The following MTMR7 variants were observed in gnomAD, a reference collection of about 807,000 sequenced individuals.
MTMR7 encodes phosphatidylinositol-3-phosphate phosphatase MTMR7.
A neutral mutation model predicts 81.2 loss-of-function variants in MTMR7; 76 were observed. The observed-to-expected ratio is 0.94, with a 90% CI of 0.78 to 1.13. MTMR7 has a LOEUF of 1.13. Ranked by LOEUF, MTMR7 falls within the 50% of genes most tolerant of loss-of-function variation. The pLI, the probability that MTMR7 is intolerant of heterozygous loss-of-function variation, is 0.00. For synonymous variants in MTMR7, 372 were observed against 289.8 expected, an observed-to-expected ratio of 1.28 and a Z score of -2.88; for missense variants, 1,044 against 820.0, an observed-to-expected ratio of 1.27 and a Z score of -3.34.
intron 1 of MTMR7, among the ~76,000 whole-genome samples, chr8:17,377,508 T>C (rs1451778249): frequency 2.0e-5 from 3 of 152,150 alleles, no homozygotes; most frequent in Admixed American, 2.0e-4. Context: ...ACTTTATTTT[T>C]CTTTTCTACT....
In MTMR7 at chr8:17,304,385, A is replaced by C. The variant is rs746315870; in HGVS notation, c.1487T>G (p.Met496Arg). 1 of 1,612,088 alleles carries C rather than the reference A, an allele frequency of 6.2e-7. No homozygotes were observed. Among genetic ancestry groups the C allele is most frequent in the Non-Finnish European group, 8.5e-7 (1 of 1,178,408 alleles). The change falls in exon 12 of 14, where the codon ATG (methionine) becomes AGG (arginine). Residue 496 changes from methionine (M) to arginine (R), a missense_variant. Met to Arg is a moderately conservative substitution (Grantham distance 91). Coordinates refer to ENST00000180173, the MANE Select transcript of MTMR7 (RefSeq NM_004686.5). The part of the protein sequence containing the change: ...LHLPTTPCNF[M>R]YKFWSGMYNR... Reference sequence around the variant, plus strand: ...TTACCAAGGATTTACATACTTGTACATGAAGTTACATGGTGTTGTAGGGAG... The same window carrying C: ...TTACCAAGGATTTACATACTTGTACCTGAAGTTACATGGTGTTGTAGGGAG...
intron 10 of MTMR7, among the ~76,000 whole-genome samples, chr8:17,308,061 A>G (rs1817575014): frequency 6.6e-6 from 1 of 151,854 alleles, no homozygotes; most frequent in Non-Finnish European, 1.5e-5. Context: ...AAATAAAAAT[A>G]AAATGAGGAA....
chr8:17,389,104 C>T (rs1339153964), intron 1 of MTMR7, among the ~76,000 whole-genome samples: 2 of 152,102 alleles, frequency 1.3e-5, no homozygotes, highest in African/African-American at 4.8e-5. Flanking sequence ...AAGAAAAGGA[C>T]ACTGCCACTC....
chr8:17,341,538 C>G, intron 5 of MTMR7, 41 bp from the exon 6 acceptor site: 1 of 1,607,436 alleles, frequency 6.2e-7, no homozygotes, highest in Non-Finnish European at 8.5e-7. Context: ...CATCAGGTAA[C>G]TGTACCCATG....
At chr8:17,341,953 T>C (rs1563347093) in intron 5 of MTMR7, among the ~76,000 whole-genome samples, 1 of 151,452 alleles carries the variant, frequency 6.6e-6, no homozygotes, top group Non-Finnish European at 1.5e-5. Flanking sequence ...TCTAGAAACA[T>C]CACAAATACC....
At position 17,297,984 on chromosome 8, in the gene MTMR7, C is replaced by CTAT. The variant is rs1816836136; in HGVS notation, c.*1875_*1877dup. 6.6e-6 allele frequency: 1 copy of CTAT among 152,006 alleles called. No individual in the cohort carries two copies. Among genetic ancestry groups the CTAT allele is most frequent in the South Asian group, 2.1e-4 (1 of 4,828 alleles). 9.4% of individuals were successfully genotyped at this position (152,006 alleles called of 1,614,324 possible). On this transcript the variant is annotated 3_prime_UTR_variant, in exon 14 of 14. Coordinates refer to ENST00000180173, the MANE Select transcript of MTMR7 (RefSeq NM_004686.5). Reference sequence around the variant, plus strand: ...CATTTTAAAACATCAAATATTTATACTATTTGCTTTTCAAATAAAAGCATA... The same window carrying CTAT: ...CATTTTAAAACATCAAATATTTATACTATTATTTGCTTTTCAAATAAAAGCATA...
At chr8:17,374,938 A>C (rs2150567887) in intron 1 of MTMR7, among the ~76,000 whole-genome samples, 1 of 152,126 alleles carries the variant, frequency 6.6e-6, no homozygotes. Context: ...AAAATACAAA[A>C]ATTAGCCAGG....
intron 7 of MTMR7, among the ~76,000 whole-genome samples, chr8:17,315,087 A>G (rs746989997): frequency 1.3e-5 from 2 of 152,352 alleles, no homozygotes; most frequent in African/African-American, 2.4e-5. Flanking sequence ...AGTTTTAATC[A>G]TTAAAAGTTA....
At chr8:17,380,208 C>G (rs1323157869) in intron 1 of MTMR7, among the ~76,000 whole-genome samples, 1 of 152,190 alleles carries the variant, frequency 6.6e-6, no homozygotes, top group Non-Finnish European at 1.5e-5. Flanking sequence ...CCACCAATAT[C>G]TCATGAATCA....
rs1309629527 is a variant in MTMR7 at position 17,331,134 on chromosome 8, T to A, written c.865+16A>T. ...CTTAACTGCATTTTAATGCTGTGCA[T>A]AAGGAAATGGTTTACCTTCCAGCAT... On this transcript the variant is annotated intron_variant, in intron 7 of 13. Coordinates refer to ENST00000180173, the MANE Select transcript of MTMR7 (RefSeq NM_004686.5). 2 of 1,607,376 alleles carry A rather than the reference T, an allele frequency of 1.2e-6. No homozygotes were observed. The highest frequency in any genetic ancestry group is 8.5e-7 in the Non-Finnish European group (1 of 1,178,116).
At chr8:17,322,105 T>C (rs1471075114) in intron 7 of MTMR7, among the ~76,000 whole-genome samples, 1 of 148,344 alleles carries the variant, frequency 6.7e-6, no homozygotes, top group East Asian at 2.1e-4. Flanking sequence ...CTCCCTTGAT[T>C]ACCAGCCCAG....
chr8:17,368,302 C>G (rs1820299112), intron 3 of MTMR7, among the ~76,000 whole-genome samples: 2 of 152,206 alleles, frequency 1.3e-5, no homozygotes, highest in Admixed American at 1.3e-4. Flanking sequence ...CCGCCATAGA[C>G]TGGTACCTGT....
chr8:17,372,455 G>A (rs1166536039), intron 2 of MTMR7, among the ~76,000 whole-genome samples: 3 of 152,068 alleles, frequency 2.0e-5, no homozygotes, highest in South Asian at 4.2e-4. Flanking sequence ...AGGCGTGGTG[G>A]CGCGTGACTG....
chr8:17,357,700 C>G (rs1343814293), intron 4 of MTMR7, among the ~76,000 whole-genome samples: 2 of 152,088 alleles, frequency 1.3e-5, no homozygotes, highest in Non-Finnish European at 2.9e-5. Flanking sequence ...TGTAGACATG[C>G]TATAATAAAG....
At chr8:17,377,783 G>C (rs569104145) in intron 1 of MTMR7, among the ~76,000 whole-genome samples, 1 of 152,116 alleles carries the variant, frequency 6.6e-6, no homozygotes, top group South Asian at 2.1e-4. Context: ...TCTTTGACCT[G>C]AAAGTTTTTA....
At chr8:17,340,501 G>C (rs1219160640) in intron 6 of MTMR7, among the ~76,000 whole-genome samples, 4 of 152,186 alleles carry the variant, frequency 2.6e-5, no homozygotes, top group African/African-American at 9.7e-5. Context: ...AGGTGACTTT[G>C]TGTCCATCCC....
At chr8:17,366,973 A>C (rs975856193) in intron 3 of MTMR7, among the ~76,000 whole-genome samples, 11 of 147,770 alleles carry the variant, frequency 7.4e-5, no homozygotes, top group African/African-American at 2.6e-4. Context: ...ATTTAAAATA[A>C]AAATGAGGGT....
At chr8:17,307,097 C>T (rs1337452763) in intron 10 of MTMR7, among the ~76,000 whole-genome samples, 1 of 152,128 alleles carries the variant, frequency 6.6e-6, no homozygotes, top group East Asian at 1.9e-4. Context: ...TCAGAGTGAA[C>T]AGGCAACCTA....
chr8:17,397,077 G>T (rs1821275341), intron 1 of MTMR7, among the ~76,000 whole-genome samples: 1 of 152,040 alleles, frequency 6.6e-6, no homozygotes, highest in Non-Finnish European at 1.5e-5. Context: ...GTGATACCCA[G>T]GTAGTACACA....
Sources: allele counts gnomAD v4.1 joint callset (sites outside exome capture counted in the v4.1 genomes callset), GRCh38; gene constraint gnomAD v4.1.1; transcripts MANE v1.5; gene names NCBI Gene and HGNC (gene_info 2026-07-23, HGNC 2026-07-21).